Variants in MYOM1 observed in about 807,000 individuals in gnomAD.
MYOM1 encodes myomesin 1, also known as myomesin-1.
In MYOM1, 164 loss-of-function variants were observed where a neutral mutation model predicts 205.3. The observed-to-expected ratio is 0.80, with a 90% CI of 0.70 to 0.91. MYOM1 has a LOEUF of 0.91. MYOM1 is among the 40% of genes least tolerant of loss of function. The probability of loss-of-function intolerance (pLI) is 0.00; values close to 1 mark genes in which losing one functional copy is unlikely to be tolerated. For missense variants in MYOM1, 2,011 were observed against 2,127.3 expected (o/e 0.95, Z 1.08); for synonymous variants, 772 against 789.4 (o/e 0.98, Z 0.37).
intron 37 of MYOM1, among the ~76,000 whole-genome samples, chr18:3,071,464 CT>C: frequency 6.6e-6 from 1 of 152,170 alleles, no homozygotes; most frequent in Middle Eastern, 3.4e-3. Flanking sequence ...GTTCAAGCAA[CT>C]CTCCTGCCTC....
At chr18:3,144,566 A>T (rs1462780829) in intron 13 of MYOM1, among the ~76,000 whole-genome samples, 1 of 152,206 alleles carries the variant, frequency 6.6e-6, no homozygotes, top group Non-Finnish European at 1.5e-5. Context: ...AGCAAGACCC[A>T]AATATATGCT....
the MYOM1 span, among the ~76,000 whole-genome samples, chr18:3,227,435 A>G: frequency 6.6e-6 from 1 of 152,336 alleles, no homozygotes; most frequent in East Asian, 1.9e-4. Context: ...TAGAGAAAGC[A>G]GAACAGTGGT....
the MYOM1 span, among the ~76,000 whole-genome samples, chr18:3,236,999 T>A: frequency 6.6e-6 from 1 of 152,204 alleles, no homozygotes; most frequent in African/African-American, 2.4e-5. Context: ...TAATACTATT[T>A]GAGAACTGTG....
At chr18:3,094,025 TCA>T in intron 26 of MYOM1, 143 bp downstream of exon 26, 1 of 739,390 alleles carries the variant, frequency 1.4e-6, no homozygotes, top group Admixed American at 3.2e-5. Context: ...TATTTTCATT[TCA>T]CAGTTTTCAC....
At chr18:3,122,180 G>GTTTT (rs71366636) in intron 19 of MYOM1, among the ~76,000 whole-genome samples, 4 of 138,626 alleles carry the variant, frequency 2.9e-5, no homozygotes, top group African/African-American at 1.0e-4. Context: ...TAAGATATTA[G>GTTTT]TTTTTTTTTT....
upstream of MYOM1, among the ~76,000 whole-genome samples, chr18:3,221,728 T>C (rs879929211): frequency 6.6e-6 from 1 of 152,270 alleles, no homozygotes; most frequent in Non-Finnish European, 1.5e-5. Context: ...ACTCAAAGTA[T>C]GTAAAAGAAT....
chr18:3,237,415 A>C, the MYOM1 span, among the ~76,000 whole-genome samples: 2 of 151,922 alleles, frequency 1.3e-5, no homozygotes, highest in East Asian at 3.9e-4. Flanking sequence ...CCTGGCTAAC[A>C]AGGTGAAACC....
At chr18:3,114,864 C>T (rs1431006780) in intron 21 of MYOM1, among the ~76,000 whole-genome samples, 4 of 152,074 alleles carry the variant, frequency 2.6e-5, no homozygotes, top group African/African-American at 7.2e-5. Context: ...CTCTCTTTCT[C>T]TCTCTGTCTC....
chr18:3,177,445 CATTATTATTATT>C lies in MYOM1; in HGVS notation c.930-1323_930-1312del, dbSNP rs138933689. Among the ~76,000 whole-genome samples, 309 of 139,256 alleles carry C rather than the reference CATTATTATTATT, an allele frequency of 2.2e-3. 2 individuals are homozygous for C. Among genetic ancestry groups the C allele is most frequent in the East Asian group, 8.4e-3 (41 of 4,860 alleles). 91.4% of individuals were successfully genotyped at this position (139,256 alleles called of 152,430 possible). ...TCTTGCATGTTGTTAGAAGCAATAT[CATTATTATTATT>C]ATTATTATTATTATTATTATTATTA... On this transcript the variant is annotated intron_variant, in intron 5 of 37. Transcript: ENST00000356443.
chr18:3,150,970 C>T (rs112556210), intron 12 of MYOM1, among the ~76,000 whole-genome samples: 2,049 of 144,808 alleles, frequency 0.014, 63 homozygotes, highest in African/African-American at 0.05. Flanking sequence ...TGTGTGCTAC[C>T]ATGCCTGGCT....
At chr18:3,124,955 G>A (rs2079758213) in intron 19 of MYOM1, among the ~76,000 whole-genome samples, 1 of 152,226 alleles carries the variant, frequency 6.6e-6, no homozygotes, top group Non-Finnish European at 1.5e-5. Context: ...CTCATAACAT[G>A]TAAAGAACTT....
chr18:3,155,778 T>A (rs1376528177), intron 10 of MYOM1, among the ~76,000 whole-genome samples: 2 of 151,796 alleles, frequency 1.3e-5, no homozygotes, highest in African/African-American at 4.8e-5. Context: ...TAAGAAAGGC[T>A]CCCAAGGGAG....
At chr18:3,173,850 G>T in intron 8 of MYOM1, 88 bp downstream of exon 8, 1 of 1,135,410 alleles carries the variant, frequency 8.8e-7, no homozygotes, top group South Asian at 1.3e-5. Flanking sequence ...GTTATATATA[G>T]TATGCATTTA....
At chr18:3,084,924 G>T in intron 31 of MYOM1, 121 bp downstream of exon 31, 2 of 727,202 alleles carry the variant, frequency 2.8e-6, no homozygotes, top group Non-Finnish European at 4.5e-6. Context: ...TTTCAATTAA[G>T]CCAAAATCTG....
chr18:3,150,979 CTTTT>C lies in MYOM1; in HGVS notation c.1843+711_1843+714del, dbSNP rs1164882266. ...TACAGCTGTGTGCTACCATGCCTGG[CTTTT>C]TTTTTTTTTTTTTTTTTCATTTTTT... On this transcript the variant is annotated intron_variant, in intron 12 of 37. Coordinates refer to ENST00000356443, the MANE Select transcript of MYOM1 (RefSeq NM_003803.4). Among the ~76,000 whole-genome samples, 179 of 55,908 alleles carry C rather than the reference CTTTT, an allele frequency of 3.2e-3. 1 individual carries two copies. Among genetic ancestry groups the C allele is most frequent in the African/African-American group, 0.012 (170 of 13,896 alleles). 36.7% of individuals were successfully genotyped at this position (55,908 alleles called of 152,430 possible).
chr18:3,115,705 C>T (rs1446231649), intron 21 of MYOM1, among the ~76,000 whole-genome samples: 2 of 152,170 alleles, frequency 1.3e-5, no homozygotes, highest in Non-Finnish European at 2.9e-5. Context: ...TTTCCTTTTG[C>T]TACAAATGAG....
rs76880913 is a variant in MYOM1, at chr18:3,118,724, T to C, written c.3118+1145A>G. Among the ~76,000 whole-genome samples the C allele has an allele frequency of 8.3e-4, 127 of 152,238 alleles. 2 individuals are homozygous for C. In the East Asian group the frequency reaches 9.1e-3, roughly 11 times the overall value. On this transcript the variant is annotated intron_variant, in intron 20 of 37. Coordinates refer to ENST00000356443, the MANE Select transcript of MYOM1 (RefSeq NM_003803.4). ...GATTGCATTTCACTTTACTCAGGAATTGCAAGAATTTGAAAATAGACCCAC... is the reference window on the plus strand; with the variant it reads ...GATTGCATTTCACTTTACTCAGGAACTGCAAGAATTTGAAAATAGACCCAC...
intron 8 of MYOM1, 130 bp downstream of exon 8, chr18:3,173,808 G>A (rs1186667389): frequency 1.3e-6 from 1 of 757,764 alleles, no homozygotes; most frequent in Non-Finnish European, 2.1e-6. Flanking sequence ...ATAACCACAG[G>A]TACCTACTAC....
chr18:3,193,332 A>ACATATACATATG (rs1401272735), intron 3 of MYOM1, among the ~76,000 whole-genome samples: 7 of 144,262 alleles, frequency 4.9e-5, no homozygotes, highest in African/African-American at 1.8e-4. Context: ...ACATATACAT[A>ACATATACATATG]TATATGTACA....
Sources: gnomAD v4.1 joint callset for allele counts (sites outside exome capture counted in the v4.1 genomes callset) on GRCh38, gnomAD v4.1.1 for gene constraint, MANE v1.5 for transcripts, NCBI Gene and HGNC (gene_info 2026-07-23, HGNC 2026-07-21) for gene names.